NAV3: variants seen among roughly 807,000 people sequenced by gnomAD.
The protein encoded by NAV3 is pore membrane and/or filament interacting like protein 1.
In NAV3, 87 loss-of-function variants were observed where a neutral mutation model predicts 244.7. That is an observed-to-expected ratio of 0.36 (90% CI 0.30 to 0.42). NAV3 has a LOEUF of 0.42. NAV3 is among the 20% of genes least tolerant of loss of function. The pLI, the probability that NAV3 is intolerant of heterozygous loss-of-function variation, is 1.00. For synonymous variants in NAV3, 1,126 were observed against 1,042.2 expected (o/e 1.08, Z -1.55); for missense variants, 2,663 against 2,893.3 (o/e 0.92, Z 1.83).
chr12:78,058,533 T>G (rs1883853217), intron 11 of NAV3, among the ~76,000 whole-genome samples: 1 of 152,138 alleles, frequency 6.6e-6, no homozygotes, highest in Admixed American at 6.5e-5. Flanking sequence ...TGACAGCAGC[T>G]GATATGAGGT....
intron 1 of NAV3, among the ~76,000 whole-genome samples, chr12:77,896,895 A>G (rs897217831): frequency 5.3e-5 from 8 of 152,186 alleles, no homozygotes; most frequent in African/African-American, 1.9e-4. Flanking sequence ...GCTTTAGGTC[A>G]TGGCCTGTGG....
chr12:78,161,473 G>A (rs1462750984), intron 23 of NAV3, among the ~76,000 whole-genome samples: 1 of 152,002 alleles, frequency 6.6e-6, no homozygotes, highest in Non-Finnish European at 1.5e-5. Flanking sequence ...ATCTGTAAGT[G>A]AATTTTCTCA....
At chr12:77,736,863 C>T (rs975123535) in intron 2 of NAV3, among the ~76,000 whole-genome samples, 1 of 152,078 alleles carries the variant, frequency 6.6e-6, no homozygotes, top group African/African-American at 2.4e-5. Flanking sequence ...GTGAAATGGT[C>T]AGGTAGGACT....
intron 2 of NAV3, among the ~76,000 whole-genome samples, chr12:77,648,620 A>C (rs1872697915): frequency 6.6e-6 from 1 of 152,150 alleles, no homozygotes; most frequent in Admixed American, 6.6e-5. Context: ...TATGAAGGAA[A>C]CTACGAAGAT....
chr12:77,872,832 G>A (rs1881179411), intron 1 of NAV3, among the ~76,000 whole-genome samples: 1 of 152,106 alleles, frequency 6.6e-6, no homozygotes, highest in African/African-American at 2.4e-5. Flanking sequence ...TTGAATAAAT[G>A]CAATGTATGC....
At chr12:78,104,337 A>G (rs1408626580) in intron 12 of NAV3, among the ~76,000 whole-genome samples, 1 of 152,198 alleles carries the variant, frequency 6.6e-6, no homozygotes, top group African/African-American at 2.4e-5. Context: ...TTACCTACAA[A>G]TGGCATTTTC....
intron 12 of NAV3, among the ~76,000 whole-genome samples, chr12:78,066,322 A>C (rs1230394290): frequency 1.3e-5 from 2 of 152,106 alleles, no homozygotes; most frequent in African/African-American, 4.8e-5. Context: ...AATAATAATA[A>C]ATTTCACATT....
chr12:77,694,914 G>T (rs1270088779), intron 2 of NAV3, among the ~76,000 whole-genome samples: 2 of 152,094 alleles, frequency 1.3e-5, no homozygotes, highest in African/African-American at 4.8e-5. Flanking sequence ...TAAGATATAG[G>T]AACTCAGGGA....
rs1364781821 is a variant in NAV3 at position 78,122,255 on chromosome 12, A to G, written c.4065A>G (p.Ala1355=). The G allele has an allele frequency of 6.2e-7, 1 of 1,614,146 alleles. No individual in the cohort carries two copies. The highest frequency in any genetic ancestry group is 8.5e-7 in the Non-Finnish European group (1 of 1,180,016). Residue 1355 remains alanine (A), a synonymous_variant, in exon 16 of 40, where the codon GCA becomes GCG. Transcript: ENST00000397909. ...VWAANMSSSS[A]GSKDTPSYQS... ...CTGCCAATATGAGCAGTTCCTCTGC[A>G]GGCAGCAAGGATACTCCGAGCTACC...
At chr12:77,893,758 A>G (rs1440076132) in intron 1 of NAV3, among the ~76,000 whole-genome samples, 1 of 152,338 alleles carries the variant, frequency 6.6e-6, no homozygotes, top group East Asian at 1.9e-4. Flanking sequence ...AGCAACTTCC[A>G]TGTAGAATTT....
intron 7 of NAV3, among the ~76,000 whole-genome samples, chr12:78,004,540 A>G (rs1467075109): frequency 6.6e-6 from 1 of 152,256 alleles, no homozygotes; most frequent in Non-Finnish European, 1.5e-5. Context: ...TTGAGTAATC[A>G]ACATTCAGAA....
chr12:77,900,019 C>G (rs1030708697), intron 1 of NAV3, among the ~76,000 whole-genome samples: 29 of 151,910 alleles, frequency 1.9e-4, no homozygotes, highest in Middle Eastern at 3.4e-3. Context: ...AATTTTTCAT[C>G]TCTTGCCCCT....
chr12:78,208,577 C>A (rs1436859259), intron 39 of NAV3, among the ~76,000 whole-genome samples: 2 of 152,056 alleles, frequency 1.3e-5, no homozygotes, highest in Admixed American at 1.3e-4. Flanking sequence ...TAATACTAGG[C>A]AAAGGCAAAG....
intron 5 of NAV3, among the ~76,000 whole-genome samples, chr12:77,979,224 C>T (rs1384538133): frequency 7.9e-6 from 1 of 126,050 alleles, no homozygotes; most frequent in African/African-American, 3.0e-5. Flanking sequence ...AAATACAATA[C>T]AAAAAAAAAA....
intron 2 of NAV3, among the ~76,000 whole-genome samples, chr12:77,791,589 A>G (rs552142816): frequency 3.9e-5 from 6 of 152,106 alleles, no homozygotes; most frequent in African/African-American, 1.2e-4. Flanking sequence ...TTCCTATTTT[A>G]CAGAAGAGGA....
intron 12 of NAV3, among the ~76,000 whole-genome samples, chr12:78,070,406 T>G (rs935128322): frequency 1.3e-5 from 2 of 151,842 alleles, no homozygotes; most frequent in African/African-American, 4.8e-5. Context: ...GGTGAAGTTT[T>G]TTTTTTTTTT....
At chr12:77,718,703 G>A (rs541448865) in intron 2 of NAV3, among the ~76,000 whole-genome samples, 1 of 152,118 alleles carries the variant, frequency 6.6e-6, no homozygotes, top group South Asian at 2.1e-4. Flanking sequence ...TGGTGCCCAG[G>A]CTGAAGTGGG....
intron 39 of NAV3, among the ~76,000 whole-genome samples, chr12:78,208,025 G>A (rs1012935716): frequency 6.6e-6 from 1 of 152,090 alleles, no homozygotes; most frequent in Non-Finnish European, 1.5e-5. Context: ...ATTTAGTGTT[G>A]CTATAACAGA....
intron 26 of NAV3, 37 bp downstream of exon 26, chr12:78,176,496 T>G (rs781234912): frequency 1.2e-6 from 2 of 1,609,700 alleles, no homozygotes; most frequent in Non-Finnish European, 1.7e-6. Context: ...CATGCATCTA[T>G]AAAAAAACCC....
Sources: gnomAD v4.1 joint callset for allele counts (sites outside exome capture counted in the v4.1 genomes callset) on GRCh38, gnomAD v4.1.1 for gene constraint, MANE v1.5 for transcripts, NCBI Gene and HGNC (gene_info 2026-07-23, HGNC 2026-07-21) for gene names.